The following KIAA1217 variants were observed in gnomAD, a reference collection of about 807,000 sequenced individuals.
KIAA1217 encodes the protein sickle tail protein homolog.
KIAA1217 carries 88 observed loss-of-function variants against 163.9 expected under a neutral mutation model. The ratio of observed to expected loss-of-function variants is 0.54; its 90% CI spans 0.45 to 0.64. The LOEUF (loss-of-function observed/expected upper bound fraction) is 0.64. Ranked by LOEUF, KIAA1217 falls within the 30% of genes least tolerant of loss-of-function variation. The pLI is 0.00. For synonymous variants in KIAA1217, 903 were observed against 923.1 expected (o/e 0.98, Z 0.39); for missense variants, 2,372 against 2,475.0 (o/e 0.96, Z 0.88).
intron 1 of KIAA1217, among the ~76,000 whole-genome samples, chr10:23,856,167 G>T (rs1031142410): frequency 2.6e-5 from 4 of 152,122 alleles, no homozygotes; most frequent in Non-Finnish European, 5.9e-5. Context: ...CTTTGATGAT[G>T]GTGATGTACA....
intron 2 of KIAA1217, among the ~76,000 whole-genome samples, chr10:24,118,019 G>A (rs2063127090): frequency 6.6e-6 from 1 of 152,154 alleles, no homozygotes; most frequent in South Asian, 2.1e-4. Context: ...GGAGAAACGA[G>A]AGGAAGGAAA....
intron 2 of KIAA1217, among the ~76,000 whole-genome samples, chr10:24,171,582 A>T (rs1027351793): frequency 6.6e-6 from 1 of 152,180 alleles, no homozygotes; most frequent in Non-Finnish European, 1.5e-5. Flanking sequence ...AGGCGGATGG[A>T]TCACCTGAGG....
chr10:24,195,119 ACTCT>A (rs907112353), intron 2 of KIAA1217, among the ~76,000 whole-genome samples: 1 of 151,202 alleles, frequency 6.6e-6, no homozygotes, highest in African/African-American at 2.4e-5. Flanking sequence ...CCTCCCCTTG[ACTCT>A]CTCTCTGGGC....
At chr10:23,760,397 T>C (rs1429699492) in intron 1 of KIAA1217, among the ~76,000 whole-genome samples, 2 of 152,182 alleles carry the variant, frequency 1.3e-5, no homozygotes, top group Non-Finnish European at 2.9e-5. Context: ...ACGGGACTAA[T>C]AGTTGAGTTA....
rs779112586 is a variant in KIAA1217, at chr10:24,542,772, T to A, written c.3612+2T>A. The A allele has an allele frequency of 6.2e-7, 1 of 1,613,708 alleles. No individual in the cohort carries two copies. Among genetic ancestry groups the A allele is most frequent in the African/African-American group, 1.3e-5 (1 of 74,976 alleles). On this transcript the variant is annotated splice_donor_variant, in intron 18 of 20. Transcript: ENST00000376454. LOFTEE classifies it high-confidence loss of function. ...GGCCCCCAAATGGAATTCCAAAAGG[T>A]GAGTTCACCAGATCTGGGTTCCGAC...
At chr10:24,281,857 A>G (rs1163281629) in intron 2 of KIAA1217, among the ~76,000 whole-genome samples, 2 of 152,144 alleles carry the variant, frequency 1.3e-5, no homozygotes, top group African/African-American at 2.4e-5. Flanking sequence ...TCAGATCGAG[A>G]CCAGCATGGC....
At chr10:24,381,691 C>G (rs1054793286) in intron 3 of KIAA1217, among the ~76,000 whole-genome samples, 2 of 152,202 alleles carry the variant, frequency 1.3e-5, no homozygotes, top group African/African-American at 4.8e-5. Context: ...GACCAGTGCT[C>G]TATAGGAAAT....
At chr10:24,156,446 A>G (rs1353559030) in intron 2 of KIAA1217, among the ~76,000 whole-genome samples, 1 of 152,212 alleles carries the variant, frequency 6.6e-6, no homozygotes, top group East Asian at 1.9e-4. Context: ...TAGAGTTTCT[A>G]TATAGAGATA....
intron 1 of KIAA1217, among the ~76,000 whole-genome samples, chr10:23,796,454 C>G (rs986912976): frequency 1.3e-5 from 2 of 152,180 alleles, no homozygotes; most frequent in Non-Finnish European, 2.9e-5. Context: ...ACCTCTGCCT[C>G]CCGGGTTCAA....
intron 2 of KIAA1217, among the ~76,000 whole-genome samples, chr10:24,220,446 CTTTTTTTTTTTTT>C (rs530992369): frequency 9.7e-6 from 1 of 103,102 alleles, no homozygotes; most frequent in African/African-American, 5.0e-5. Flanking sequence ...TTCTGCTCTT[CTTTTTTTTTTTTT>C]TTTTTTTTTT....
At chr10:23,811,780 G>A (rs185458965) in intron 1 of KIAA1217, among the ~76,000 whole-genome samples, 1 of 152,216 alleles carries the variant, frequency 6.6e-6, no homozygotes, top group Admixed American at 6.5e-5. Context: ...TCTGGACAGG[G>A]GGAAGTGAGC....
At chr10:24,141,233 C>CCCG (rs1554882514) in intron 2 of KIAA1217, among the ~76,000 whole-genome samples, 1 of 132,350 alleles carries the variant, frequency 7.6e-6, no homozygotes, top group Non-Finnish European at 1.6e-5. Context: ...AAACCCCCCC[C>CCCG]CCCCATTTCT....
At chr10:24,507,838 G>A (rs1335169276) in intron 9 of KIAA1217, among the ~76,000 whole-genome samples, 1 of 152,028 alleles carries the variant, frequency 6.6e-6, no homozygotes, top group Non-Finnish European at 1.5e-5. Flanking sequence ...GAGATAAATG[G>A]AAAAATCTTC....
intron 2 of KIAA1217, among the ~76,000 whole-genome samples, chr10:24,111,440 T>G (rs2062840790): frequency 6.6e-6 from 1 of 152,232 alleles, no homozygotes; most frequent in Admixed American, 6.5e-5. Context: ...CTATATTTTG[T>G]AGTGTCATTT....
In KIAA1217 at chr10:23,789,998, CAT is replaced by C. The variant is rs1202652933; in HGVS notation, c.-321+94767_-321+94768del. 2.0e-4 allele frequency among the ~76,000 whole-genome samples: 20 copies of C among 100,208 alleles called. 3 individuals carry two copies. Among genetic ancestry groups the C allele is most frequent in the African/African-American group, 9.0e-4 (20 of 22,214 alleles). The allele number at this position is 100,208 out of a possible 152,430, so 65.7% of individuals were successfully genotyped here. On this transcript the variant is annotated intron_variant, in intron 1 of 18. Coordinates refer to the KIAA1217 transcript ENST00000376462. The stretch of plus-strand genomic sequence containing the variant: ...ACATATATACACATATACATATACA[CAT>C]ATGCACATACACATATACACATATG...
At chr10:23,778,186 C>G (rs117630821) in intron 1 of KIAA1217, among the ~76,000 whole-genome samples, 47 of 152,126 alleles carry the variant, frequency 3.1e-4, no homozygotes, top group Non-Finnish European at 5.7e-4. Flanking sequence ...TGATTCCCCC[C>G]CCTTCGGCCT....
intron 1 of KIAA1217, among the ~76,000 whole-genome samples, chr10:23,868,219 C>T (rs1840287950): frequency 6.6e-6 from 1 of 152,036 alleles, no homozygotes; most frequent in African/African-American, 2.4e-5. Flanking sequence ...CTTCTCAACC[C>T]ACAAAATAAC....
chr10:24,144,806 C>G (rs551246182), intron 2 of KIAA1217, among the ~76,000 whole-genome samples: 3 of 152,134 alleles, frequency 2.0e-5, no homozygotes, highest in Non-Finnish European at 4.4e-5. Context: ...GTCCCCCTAG[C>G]CTGCCTTTTA....
intron 1 of KIAA1217, among the ~76,000 whole-genome samples, chr10:23,986,039 T>C (rs1845955854): frequency 6.6e-6 from 1 of 152,226 alleles, no homozygotes; most frequent in Non-Finnish European, 1.5e-5. Context: ...TTCGTTCTAA[T>C]ATAATTGTTT....
Sources: gnomAD v4.1 joint callset for allele counts (sites outside exome capture counted in the v4.1 genomes callset) on GRCh38, gnomAD v4.1.1 for gene constraint, MANE v1.5 for transcripts, NCBI Gene and HGNC (gene_info 2026-07-23, HGNC 2026-07-21) for gene names.